Variants in ZFAND3 observed in about 807,000 individuals in gnomAD.
ZFAND3 encodes AN1-type zinc finger protein 3.
ZFAND3 carries 10 observed loss-of-function variants against 29.6 expected under a neutral mutation model. The ratio of observed to expected loss-of-function variants is 0.34; its 90% CI spans 0.21 to 0.57. The LOEUF (loss-of-function observed/expected upper bound fraction) is 0.57, where lower values mean the gene tolerates loss of function less well. Ranked by LOEUF, ZFAND3 falls within the 20% of genes least tolerant of loss-of-function variation. The pLI is 0.86. For synonymous variants in ZFAND3, 128 were observed against 112.6 expected, an observed-to-expected ratio of 1.14 and a Z score of -0.87; for missense variants, 230 against 304.5, an observed-to-expected ratio of 0.76 and a Z score of 1.82.
At chr6:37,829,485 A>C (rs1763820023) in intron 1 of ZFAND3, among the ~76,000 whole-genome samples, 1 of 151,892 alleles carries the variant, frequency 6.6e-6, no homozygotes, top group South Asian at 2.1e-4. Flanking sequence ...CAGTGAGCCA[A>C]GATTGCACTA....
chr6:37,838,182 G>A (rs1764003911), intron 1 of ZFAND3, among the ~76,000 whole-genome samples: 1 of 152,178 alleles, frequency 6.6e-6, no homozygotes. Context: ...TGGCTTATCT[G>A]AAGCTTTGGG....
intron 5 of ZFAND3, among the ~76,000 whole-genome samples, chr6:38,124,074 C>T (rs1490065077): frequency 1.3e-5 from 2 of 152,152 alleles, no homozygotes; most frequent in South Asian, 2.1e-4. Context: ...CTGATTGGTG[C>T]GTTTACAATC....
chr6:38,107,979 G>A (rs1765241467), intron 4 of ZFAND3, among the ~76,000 whole-genome samples: 1 of 151,794 alleles, frequency 6.6e-6, no homozygotes, highest in Admixed American at 6.6e-5. Context: ...AATAGTTTGA[G>A]GGACATACTG....
At chr6:37,854,502 A>G (rs149941393) in intron 1 of ZFAND3, among the ~76,000 whole-genome samples, 1 of 152,312 alleles carries the variant, frequency 6.6e-6, no homozygotes, top group East Asian at 1.9e-4. Flanking sequence ...ATTATAATGT[A>G]TTTTAAAGCC....
intron 2 of ZFAND3, among the ~76,000 whole-genome samples, chr6:37,964,067 T>C (rs1762248695): frequency 6.6e-6 from 1 of 152,194 alleles, no homozygotes; most frequent in Non-Finnish European, 1.5e-5. Flanking sequence ...TTTCATTCTT[T>C]TTTCCCCCCT....
chr6:38,149,428 A>AAC (rs1766177537), intron 5 of ZFAND3, among the ~76,000 whole-genome samples: 1 of 151,620 alleles, frequency 6.6e-6, no homozygotes, highest in Non-Finnish European at 1.5e-5. Context: ...AAAAAAAAAA[A>AAC]ACCTAAGCCA....
intron 2 of ZFAND3, among the ~76,000 whole-genome samples, chr6:37,973,458 C>CTGATGCAACTTTTTGTAA (rs1326017252): frequency 1.3e-5 from 2 of 152,220 alleles, no homozygotes; most frequent in Non-Finnish European, 2.9e-5. Flanking sequence ...GTAGCACTGT[C>CTGATGCAACTTTTTGTAA]TGATGCAACT....
In ZFAND3 at chr6:38,152,507, T is replaced by C; in HGVS notation, c.*118T>C. On this transcript the variant is annotated 3_prime_UTR_variant, in exon 6 of 6. Transcript: ENST00000287218. ...CGCGTCAGACTGCAGCCAGTCCGTT[T>C]CCTTTCTTTAGCCAGCCATCCTGGT... The C allele has an allele frequency of 7.3e-7, 1 of 1,374,156 alleles. No individual in the cohort carries two copies. The highest frequency in any genetic ancestry group is 2.0e-5 in the South Asian group (1 of 50,226). 85.1% of individuals were successfully genotyped at this position (1,374,156 alleles called of 1,614,324 possible).
intron 2 of ZFAND3, among the ~76,000 whole-genome samples, chr6:37,992,209 A>G (rs780700431): frequency 9.2e-5 from 14 of 152,160 alleles, no homozygotes; most frequent in African/African-American, 1.2e-4. Context: ...AGTATTTCCT[A>G]TGCTTACAAA....
chr6:38,084,988 A>C (rs895143812), intron 4 of ZFAND3, among the ~76,000 whole-genome samples: 7 of 152,156 alleles, frequency 4.6e-5, no homozygotes, highest in African/African-American at 1.7e-4. Flanking sequence ...CCTGATTTTG[A>C]GAGGTAAATT....
At chr6:37,989,152 C>T (rs953231991) in intron 2 of ZFAND3, among the ~76,000 whole-genome samples, 1 of 152,216 alleles carries the variant, frequency 6.6e-6, no homozygotes, top group Admixed American at 6.5e-5. Context: ...AGGTGACCTG[C>T]CTGCCTTGAC....
At chr6:37,939,931 T>A (rs1761782972) in intron 2 of ZFAND3, among the ~76,000 whole-genome samples, 1 of 152,014 alleles carries the variant, frequency 6.6e-6, no homozygotes, top group Non-Finnish European at 1.5e-5. Flanking sequence ...TCCCAGCTAC[T>A]CCGGAAACTG....
intron 1 of ZFAND3, among the ~76,000 whole-genome samples, chr6:37,855,987 A>G (rs1413368407): frequency 6.6e-6 from 1 of 151,254 alleles, no homozygotes; most frequent in Non-Finnish European, 1.5e-5. Flanking sequence ...ATTTCCTGAC[A>G]TAAAACCTTG....
intron 2 of ZFAND3, among the ~76,000 whole-genome samples, chr6:37,976,807 T>C (rs1052424785): frequency 2.6e-5 from 4 of 152,036 alleles, no homozygotes; most frequent in Admixed American, 6.5e-5. Context: ...TCCCTCACTA[T>C]CATGAGAACA....
intron 1 of ZFAND3, among the ~76,000 whole-genome samples, chr6:37,860,587 C>T (rs1323239126): frequency 6.8e-6 from 1 of 147,768 alleles, no homozygotes; most frequent in Non-Finnish European, 1.5e-5. Context: ...TGTCTTTCCT[C>T]ATTTGGACTT....
In ZFAND3 at chr6:37,996,052, C is replaced by G. The variant is rs568738418; in HGVS notation, c.113-65541C>G. Among the ~76,000 whole-genome samples the G allele has an allele frequency of 3.1e-3, 468 of 151,444 alleles. 3 individuals carry two copies. The highest frequency in any genetic ancestry group is 0.011 in the African/African-American group (446 of 41,250). On this transcript the variant is annotated intron_variant, in intron 2 of 5. Coordinates refer to ENST00000287218, the MANE Select transcript of ZFAND3 (RefSeq NM_021943.3). ...GCTCAGGCAGGAGAATCGCTTGAAC[C>G]TGGGAGGCGTAGGTTGCAGTGAGCC...
intron 4 of ZFAND3, among the ~76,000 whole-genome samples, chr6:38,103,583 CTT>C (rs1765151478): frequency 7.0e-6 from 1 of 142,774 alleles, no homozygotes; most frequent in African/African-American, 2.6e-5. Flanking sequence ...AAGTTTCTCT[CTT>C]TTGGCAGATG....
At chr6:37,895,531 A>G (rs930413841) in intron 1 of ZFAND3, among the ~76,000 whole-genome samples, 3 of 35,210 alleles carry the variant, frequency 8.5e-5, no homozygotes, top group Admixed American at 2.9e-4. Context: ...TTTTTTTTTG[A>G]TTTAGTACAA....
chr6:37,831,265 G>GCAGATTAGTAAATA (rs1290131649), intron 1 of ZFAND3, among the ~76,000 whole-genome samples: 2 of 152,188 alleles, frequency 1.3e-5, no homozygotes, highest in East Asian at 3.9e-4. Context: ...AGCACTGATG[G>GCAGATTAGTAAATA]CAGATTAGTA....
Sources: gnomAD v4.1 joint callset for allele counts (sites outside exome capture counted in the v4.1 genomes callset) on GRCh38, gnomAD v4.1.1 for gene constraint, MANE v1.5 for transcripts, NCBI Gene and HGNC (gene_info 2026-07-23, HGNC 2026-07-21) for gene names.